The following TMEM132B variants were observed in gnomAD, a reference collection of about 807,000 sequenced individuals.
TMEM132B encodes the protein transmembrane protein 132B.
Under a neutral mutation model 90.8 loss-of-function variants are expected in TMEM132B, and 18 were observed. The observed-to-expected ratio is 0.20, with a 90% CI of 0.14 to 0.29. TMEM132B has a LOEUF of 0.29. Among genes scored for constraint, TMEM132B ranks in the 10% least tolerant of loss-of-function variants. TMEM132B has a pLI of 1.00. For missense variants in TMEM132B, 1,096 were observed against 1,326.8 expected, an observed-to-expected ratio of 0.83 and a Z score of 2.70; for synonymous variants, 504 against 523.3, an observed-to-expected ratio of 0.96 and a Z score of 0.50.
chr12:125,466,999 C>T (rs1051940141), intron 3 of TMEM132B, among the ~76,000 whole-genome samples: 5 of 152,204 alleles, frequency 3.3e-5, no homozygotes, highest in African/African-American at 7.2e-5. Context: ...GAAGACATCT[C>T]GGGACTGTCC....
At chr12:125,440,436 A>G (rs1252530511) in intron 3 of TMEM132B, among the ~76,000 whole-genome samples, 1 of 152,232 alleles carries the variant, frequency 6.6e-6, no homozygotes, top group Non-Finnish European at 1.5e-5. Flanking sequence ...ATCTTGCTAT[A>G]AAGGGAAAGA....
chr12:125,571,384 A>AC (rs1223134555), intron 4 of TMEM132B, among the ~76,000 whole-genome samples: 1 of 152,220 alleles, frequency 6.6e-6, no homozygotes, highest in Non-Finnish European at 1.5e-5. Context: ...CTTACAATAT[A>AC]CCAGGCACTG....
intron 2 of TMEM132B, among the ~76,000 whole-genome samples, chr12:125,376,550 C>T (rs1424059643): frequency 6.6e-6 from 1 of 152,182 alleles, no homozygotes; most frequent in East Asian, 1.9e-4. Flanking sequence ...GCTGCCTGGG[C>T]TCGGGGCTAT....
intron 5 of TMEM132B, among the ~76,000 whole-genome samples, chr12:125,631,126 G>A (rs973442986): frequency 2.0e-5 from 3 of 151,942 alleles, no homozygotes; most frequent in Non-Finnish European, 4.4e-5. Context: ...GGCATTTACA[G>A]CTATATACTT....
intron 2 of TMEM132B, among the ~76,000 whole-genome samples, chr12:125,378,393 G>T (rs920218419): frequency 2.6e-5 from 4 of 152,194 alleles, no homozygotes; most frequent in Admixed American, 1.3e-4. Context: ...CCTCAGTCAA[G>T]CAGGGCCTTA....
At chr12:125,295,534 G>GACAGAGAC (rs1238145248) in intron 1 of TMEM132B, among the ~76,000 whole-genome samples, 3,597 of 124,740 alleles carry the variant, frequency 0.029, 145 homozygotes, top group African/African-American at 0.1. Context: ...GAGAGAGAGA[G>GACAGAGAC]AGAGAGAGAC....
intron 1 of TMEM132B, among the ~76,000 whole-genome samples, chr12:125,330,448 A>T (rs547973880): frequency 5.0e-4 from 76 of 150,654 alleles, no homozygotes; most frequent in Non-Finnish European, 1.0e-3. Context: ...AGTACTTCCT[A>T]TGGAAACAAT....
At chr12:125,404,055 C>T (rs1200762172) in intron 2 of TMEM132B, among the ~76,000 whole-genome samples, 1 of 152,096 alleles carries the variant, frequency 6.6e-6, no homozygotes, top group East Asian at 1.9e-4. Context: ...GAACAAAGCC[C>T]ACATGCATGA....
At chr12:125,527,713 C>T (rs192748458) in intron 4 of TMEM132B, among the ~76,000 whole-genome samples, 2 of 151,344 alleles carry the variant, frequency 1.3e-5, no homozygotes, top group South Asian at 4.2e-4. Context: ...TCCATCCACC[C>T]ATCCACCCTT....
chr12:125,317,507 C>A (rs1170387688), intron 1 of TMEM132B, among the ~76,000 whole-genome samples: 1 of 152,056 alleles, frequency 6.6e-6, no homozygotes, highest in African/African-American at 2.4e-5. Flanking sequence ...GGGCTGGGGG[C>A]AGGACTTTGG....
chr12:125,659,473 C>T lies in TMEM132B; in HGVS notation c.*4763C>T, dbSNP rs1416815729. On this transcript the variant is annotated 3_prime_UTR_variant, in exon 9 of 9. Coordinates refer to ENST00000682704, the MANE Select transcript of TMEM132B (RefSeq NM_001366854.1). ...GCCCAGGGTGCTGAGCTTTCCAGAA[C>T]AGGCAGAGCTCTAGAGACCTAAGAA... The T allele has an allele frequency of 2.0e-5, 3 of 152,300 alleles. No homozygotes were observed. The highest frequency in any genetic ancestry group is 4.4e-5 in the Non-Finnish European group (3 of 68,152). The allele number at this position is 152,300 out of a possible 1,614,324, so 9.4% of individuals were successfully genotyped here.
chr12:125,520,841 T>C (rs981799611), intron 4 of TMEM132B, among the ~76,000 whole-genome samples: 2 of 152,206 alleles, frequency 1.3e-5, no homozygotes, highest in Non-Finnish European at 2.9e-5. Context: ...GCACAGTTAA[T>C]GTTTGTTGAA....
At chr12:125,332,813 T>C (rs11838123) in intron 1 of TMEM132B, among the ~76,000 whole-genome samples, 4,538 of 152,136 alleles carry the variant, frequency 0.03, 214 homozygotes, top group African/African-American at 0.1. Flanking sequence ...TTTCCTTTCT[T>C]TAGTTACTTT....
At position 125,466,990 on chromosome 12, in the gene TMEM132B, A is replaced by G. The variant is rs535139862; in HGVS notation, c.1106+51313A>G. ...GCACACTGTTCGCGATGGATCAAAG[A>G]AGACATCTCGGGACTGTCCCTGCAC... is the stretch of plus-strand genomic sequence containing the variant. On this transcript the variant is annotated intron_variant, in intron 3 of 8. Coordinates refer to ENST00000682704, the MANE Select transcript of TMEM132B (RefSeq NM_001366854.1). 3.4e-4 allele frequency among the ~76,000 whole-genome samples: 52 copies of G among 152,340 alleles called. 1 individual carries two copies. In the South Asian group the frequency reaches 0.01, roughly 30 times the overall value.
rs1251412544 is a variant in TMEM132B at position 125,220,781 on chromosome 12, C to CTA, written c.67+33916_67+33917dup. ...GTAGGAGCGTGTACCTCTTAAGCTG[C>CTA]TAAATCAGTTCACATCCCTCCTCTG... On this transcript the variant is annotated intron_variant, in intron 1 of 8. Transcript: ENST00000682704. Among the ~76,000 whole-genome samples the CTA allele has an allele frequency of 2.3e-4, 35 of 152,340 alleles. 1 individual carries two copies. Among genetic ancestry groups the CTA allele is most frequent in the African/African-American group, 7.0e-4 (29 of 41,574 alleles).
At chr12:125,259,293 T>C (rs1874507762) in intron 1 of TMEM132B, among the ~76,000 whole-genome samples, 1 of 152,216 alleles carries the variant, frequency 6.6e-6, no homozygotes, top group Admixed American at 6.5e-5. Flanking sequence ...TGTAACAGGA[T>C]GCCCGGCATC....
intron 1 of TMEM132B, among the ~76,000 whole-genome samples, chr12:125,347,137 G>C (rs1319701445): frequency 2.0e-5 from 3 of 152,166 alleles, no homozygotes; most frequent in Non-Finnish European, 4.4e-5. Flanking sequence ...TTTCTGAATT[G>C]CTTTCTGAAT....
chr12:125,478,224 A>T (rs1167409820), intron 3 of TMEM132B, among the ~76,000 whole-genome samples: 1 of 152,222 alleles, frequency 6.6e-6, no homozygotes, highest in African/African-American at 2.4e-5. Context: ...AAAGGATCAT[A>T]GCTTCTTGCC....
intron 4 of TMEM132B, among the ~76,000 whole-genome samples, chr12:125,539,705 C>A (rs117841281): frequency 6.6e-6 from 1 of 152,080 alleles, no homozygotes; most frequent in African/African-American, 2.4e-5. Flanking sequence ...GTGATGTCAC[C>A]CTTCTTATTC....
Sources: allele counts gnomAD v4.1 joint callset (sites outside exome capture counted in the v4.1 genomes callset), GRCh38; gene constraint gnomAD v4.1.1; transcripts MANE v1.5; gene names NCBI Gene and HGNC (gene_info 2026-07-23, HGNC 2026-07-21).